MAP2K5: variants seen among roughly 807,000 people sequenced by gnomAD.
MAP2K5 encodes the protein dual specificity mitogen-activated protein kinase kinase 5.
MAP2K5 carries 49 observed loss-of-function variants against 83.1 expected under a neutral mutation model. That is an observed-to-expected ratio of 0.59 (90% CI 0.47 to 0.75). The LOEUF (loss-of-function observed/expected upper bound fraction) is 0.75, where lower values mean the gene tolerates loss of function less well. MAP2K5 is among the 30% of genes least tolerant of loss of function. The pLI, the probability that MAP2K5 is intolerant of heterozygous loss-of-function variation, is 0.00. For synonymous variants in MAP2K5, 202 were observed against 191.8 expected (o/e 1.05, Z -0.44); for missense variants, 457 against 557.5 (o/e 0.82, Z 1.82).
At chr15:67,716,506 C>A (rs993558090) in intron 16 of MAP2K5, among the ~76,000 whole-genome samples, 2 of 152,106 alleles carry the variant, frequency 1.3e-5, no homozygotes, top group Non-Finnish European at 2.9e-5. Flanking sequence ...ACCATGTCTG[C>A]CAACTTTGAG....
At position 67,772,771 on chromosome 15, in the gene MAP2K5, T is replaced by A; in HGVS notation, c.1242+19T>A. Reference sequence around the variant, plus strand: ...ATTGATGGTAAGTGAATGTTTTTAGTTACATTAGAATTCTCAGTTATATAT... The same window carrying A: ...ATTGATGGTAAGTGAATGTTTTTAGATACATTAGAATTCTCAGTTATATAT... On this transcript the variant is annotated intron_variant, in intron 21 of 21. Transcript: ENST00000178640. The A allele has an allele frequency of 6.3e-7, 1 of 1,589,452 alleles. No individual in the cohort carries two copies. The highest frequency in any genetic ancestry group is 8.6e-7 in the Non-Finnish European group (1 of 1,166,562).
intron 9 of MAP2K5, among the ~76,000 whole-genome samples, chr15:67,631,451 G>A (rs2086471759): frequency 1.3e-5 from 2 of 151,968 alleles, no homozygotes; most frequent in South Asian, 4.2e-4. Context: ...CTTTTACTCT[G>A]CCACAGATTT....
rs2090732951 is a variant in MAP2K5 at position 67,802,917 on chromosome 15, G to A, written c.1243-3729G>A. 6.6e-6 allele frequency among the ~76,000 whole-genome samples: 1 copy of A among 152,350 alleles called. No homozygotes were observed. ...AGCCGCAGGGGCTGGAGACTGCAAGGAGCCTCGAGGTTGGCTGTCTGATTG... is the reference window on the plus strand; with the variant it reads ...AGCCGCAGGGGCTGGAGACTGCAAGAAGCCTCGAGGTTGGCTGTCTGATTG... On this transcript the variant is annotated intron_variant, in intron 21 of 21. Coordinates refer to ENST00000178640, the MANE Select transcript of MAP2K5 (RefSeq NM_145160.3). The surrounding 1 kb of genome is among the most constrained non-coding windows in gnomAD (Gnocchi z 5.0).
intron 5 of MAP2K5, 86 bp from the exon 6 acceptor site, chr15:67,586,760 A>G (rs975666777): frequency 8.1e-7 from 1 of 1,229,494 alleles, no homozygotes; most frequent in African/African-American, 1.5e-5. Context: ...TTCATAGTGA[A>G]ATGAGAAATT....
At chr15:67,639,520 A>C (rs1213136531) in intron 9 of MAP2K5, among the ~76,000 whole-genome samples, 1 of 152,218 alleles carries the variant, frequency 6.6e-6, no homozygotes, top group Non-Finnish European at 1.5e-5. Context: ...ATTTAAACAT[A>C]GGTAGTCTTG....
rs2089813323 is a variant in MAP2K5, at chr15:67,755,332, C to T, written c.1134+6731C>T. ...AAGTAGGCTCTTCCCTTATTTTTCTCCTCCCTTTCCCAGTCCTCCATTTTC... is the reference window on the plus strand; with the variant it reads ...AAGTAGGCTCTTCCCTTATTTTTCTTCTCCCTTTCCCAGTCCTCCATTTTC... On this transcript the variant is annotated intron_variant, in intron 19 of 21. Transcript: ENST00000178640. The surrounding 1 kb of genome is among the most constrained non-coding windows in gnomAD (Gnocchi z 4.7). Among the ~76,000 whole-genome samples the T allele has an allele frequency of 6.6e-6, 1 of 152,090 alleles. No individual in the cohort carries two copies. Among genetic ancestry groups the T allele is most frequent in the South Asian group, 2.1e-4 (1 of 4,822 alleles).
chr15:67,681,327 A>G (rs13380201), intron 13 of MAP2K5, among the ~76,000 whole-genome samples: 40,716 of 152,158 alleles, frequency 0.27, 6,169 homozygotes, highest in East Asian at 0.53. Flanking sequence ...TGTGCTCAAC[A>G]CTGAGCATGT....
intron 21 of MAP2K5, among the ~76,000 whole-genome samples, chr15:67,799,383 C>T (rs943261026): frequency 2.0e-5 from 3 of 152,220 alleles, no homozygotes; most frequent in African/African-American, 7.2e-5. Context: ...TAACCCTCAC[C>T]TGCCCAGAGT....
chr15:67,664,481 T>G, intron 12 of MAP2K5, 116 bp from the exon 13 acceptor site: 1 of 629,546 alleles, frequency 1.6e-6, no homozygotes, highest in South Asian at 1.9e-5. Context: ...TCAGCCTAGG[T>G]GACAGGGTGA....
chr15:67,664,469 C>G, intron 12 of MAP2K5, 128 bp from the exon 13 acceptor site: 1 of 597,442 alleles, frequency 1.7e-6, no homozygotes, highest in Non-Finnish European at 3.0e-6. Context: ...CCCCACAGCA[C>G]TTCAGCCTAG....
intron 13 of MAP2K5, among the ~76,000 whole-genome samples, chr15:67,674,661 G>T (rs1327729936): frequency 3.3e-5 from 5 of 152,028 alleles, no homozygotes; most frequent in African/African-American, 1.2e-4. Context: ...AGTATGTTGT[G>T]ATTTTCAAGA....
At chr15:67,619,637 C>A in intron 8 of MAP2K5, among the ~76,000 whole-genome samples, 1 of 152,144 alleles carries the variant, frequency 6.6e-6, no homozygotes, top group Non-Finnish European at 1.5e-5. Flanking sequence ...TTAGAGTCTA[C>A]AATATAGTTA....
rs1201905141 is a variant in MAP2K5 at position 67,746,862 on chromosome 15, G to A, written c.1075-1369G>A. ...AAAACACTCAGGCAGTAGGAAGAAG[G>A]GTGTGCTGATCAGCCACATGGATGC... On this transcript the variant is annotated intron_variant, in intron 17 of 21. Transcript: ENST00000178640. The surrounding 1 kb of genome is among the most constrained non-coding windows in gnomAD (Gnocchi z 4.1). Among the ~76,000 whole-genome samples, 1 of 152,154 alleles carries A rather than the reference G, an allele frequency of 6.6e-6. No homozygotes were observed. Among genetic ancestry groups the A allele is most frequent in the East Asian group, 1.9e-4 (1 of 5,196 alleles).
chr15:67,727,464 A>G (rs1036894750), intron 16 of MAP2K5, among the ~76,000 whole-genome samples: 2 of 152,180 alleles, frequency 1.3e-5, no homozygotes, highest in African/African-American at 4.8e-5. Flanking sequence ...GCAGTTTTCA[A>G]TTTCATAATA....
At chr15:67,800,832 G>T (rs142252426) in intron 21 of MAP2K5, among the ~76,000 whole-genome samples, 1 of 152,142 alleles carries the variant, frequency 6.6e-6, no homozygotes, top group African/African-American at 2.4e-5. Flanking sequence ...GTGCACCACA[G>T]CAGCCCTCCT....
At chr15:67,682,260 A>G (rs2087835082) in intron 13 of MAP2K5, among the ~76,000 whole-genome samples, 1 of 151,080 alleles carries the variant, frequency 6.6e-6, no homozygotes, top group Non-Finnish European at 1.5e-5. Flanking sequence ...TTCTATTGCC[A>G]CAATGGAGTG....
chr15:67,711,934 A>G (rs1296678927), intron 16 of MAP2K5, among the ~76,000 whole-genome samples: 1 of 152,240 alleles, frequency 6.6e-6, no homozygotes, highest in East Asian at 1.9e-4. Flanking sequence ...AGACTAGTTA[A>G]TCTTTCATTT....
intron 11 of MAP2K5, 57 bp from the exon 12 acceptor site, chr15:67,658,496 C>T: frequency 7.6e-7 from 1 of 1,307,316 alleles, no homozygotes; most frequent in South Asian, 1.2e-5. Flanking sequence ...CAGGAGAAGC[C>T]CAGTGCATTG....
At chr15:67,667,195 A>G (rs943884038) in intron 13 of MAP2K5, among the ~76,000 whole-genome samples, 3 of 152,220 alleles carry the variant, frequency 2.0e-5, no homozygotes, top group African/African-American at 7.2e-5. Flanking sequence ...CATAAAAATA[A>G]GATTAAAGAT....
Sources: allele counts gnomAD v4.1 joint callset (sites outside exome capture counted in the v4.1 genomes callset), GRCh38; gene constraint gnomAD v4.1.1; non-coding constraint Gnocchi (gnomAD v3.1); transcripts MANE v1.5; gene names NCBI Gene and HGNC (gene_info 2026-07-23, HGNC 2026-07-21).